PKM: variants seen among roughly 807,000 people sequenced by gnomAD.
PKM encodes the protein pyruvate kinase PKM.
A neutral mutation model predicts 49.8 loss-of-function variants in PKM; 18 were observed. That is an observed-to-expected ratio of 0.36 (90% CI 0.25 to 0.54). The LOEUF (loss-of-function observed/expected upper bound fraction) is 0.54, where lower values mean the gene tolerates loss of function less well. Ranked by LOEUF, PKM falls within the 20% of genes least tolerant of loss-of-function variation. The pLI is 0.89. For synonymous variants in PKM, 239 were observed against 261.8 expected, an observed-to-expected ratio of 0.91 and a Z score of 0.84; for missense variants, 508 against 713.8, an observed-to-expected ratio of 0.71 and a Z score of 3.28.
intron 8 of PKM, 128 bp downstream of exon 8, chr15:72,206,600 T>C (rs62026270): frequency 0.074 from 67,299 of 908,650 alleles, 3,117 homozygotes; most frequent in Middle Eastern, 0.11. Flanking sequence ...CTTGCTGCTG[T>C]AACTTGGAGG....
At position 72,229,036 on chromosome 15, in the gene PKM, T is replaced by A. The variant is rs8192356; in HGVS notation, c.-14+2080A>T. ...AGCAGAGAGTTGGAAAGTTACATTATCAGTTACTTTGTCAATATTAAACCA... is the reference window on the plus strand; with the variant it reads ...AGCAGAGAGTTGGAAAGTTACATTAACAGTTACTTTGTCAATATTAAACCA... On this transcript the variant is annotated intron_variant, in intron 1 of 10. Transcript: ENST00000335181. 7.7e-3 allele frequency among the ~76,000 whole-genome samples: 1,178 copies of A among 152,280 alleles called. 7 individuals carry two copies. Among genetic ancestry groups the A allele is most frequent in the Non-Finnish European group, 0.011 (769 of 68,014 alleles).
chr15:72,209,306 T>TTGC (rs1436761222), intron 5 of PKM, among the ~76,000 whole-genome samples: 1 of 149,964 alleles, frequency 6.7e-6, no homozygotes, highest in Non-Finnish European at 1.5e-5. Flanking sequence ...GAGGCAGAGG[T>TTGC]TGCAGTGAGC....
At chr15:72,215,115 T>C (rs6494993) in intron 3 of PKM, among the ~76,000 whole-genome samples, 144,626 of 152,200 alleles carry the variant, frequency 0.95, 69,164 homozygotes, top group East Asian at 1. Flanking sequence ...GTATGAGAAT[T>C]GCTTGAACCT....
rs1225464335 is a variant in PKM, at chr15:72,199,476, G to C, written c.*174C>G. On this transcript the variant is annotated 3_prime_UTR_variant, in exon 11 of 11. Transcript: ENST00000335181. ...AGCCAGGCTCTGGGCTGTCCCACTAGAGCAGGCTGCAAACACAGCCATGTT... is the reference window on the plus strand; with the variant it reads ...AGCCAGGCTCTGGGCTGTCCCACTACAGCAGGCTGCAAACACAGCCATGTT... The C allele has an allele frequency of 1.4e-6, 1 of 703,562 alleles. No homozygotes were observed. The highest frequency in any genetic ancestry group is 2.6e-6 in the Non-Finnish European group (1 of 382,642). 43.6% of individuals were successfully genotyped at this position (703,562 alleles called of 1,614,324 possible).
intron 2 of PKM, among the ~76,000 whole-genome samples, chr15:72,218,592 T>A (rs1428831197): frequency 6.6e-6 from 1 of 151,604 alleles, no homozygotes; most frequent in East Asian, 1.9e-4. Flanking sequence ...GCTAATTTTT[T>A]TTTTTTTTTT....
chr15:72,199,169 CA>C lies in PKM; in HGVS notation c.*480del, dbSNP rs2081864560. Reference sequence around the variant, plus strand: ...GCTGAGTGGAGGGTGGGGACAGGTGCAAACTGGAGAGGCCTAGAGAGCTAGA... The same window carrying C: ...GCTGAGTGGAGGGTGGGGACAGGTGCAACTGGAGAGGCCTAGAGAGCTAGA... On this transcript the variant is annotated 3_prime_UTR_variant, in exon 11 of 11. Transcript: ENST00000335181. 1 of 339,212 alleles carries C rather than the reference CA, an allele frequency of 2.9e-6. No individual in the cohort carries two copies. The highest frequency in any genetic ancestry group is 4.1e-5 in the Admixed American group (1 of 24,244). The allele number at this position is 339,212 out of a possible 1,614,324, so 21.0% of individuals were successfully genotyped here. A position where few individuals can be genotyped will look rare whatever the true frequency, so the allele number is the denominator to read the frequency against.
upstream of PKM, chr15:72,231,511 G>A (rs1210778909): frequency 1.3e-5 from 2 of 152,532 alleles, no homozygotes; most frequent in Non-Finnish European, 2.9e-5. Flanking sequence ...CCCGGGCGCC[G>A]GGCCACCTGT....
chr15:72,211,052 AT>A (rs1430284385), intron 3 of PKM, among the ~76,000 whole-genome samples: 2 of 150,766 alleles, frequency 1.3e-5, no homozygotes, highest in African/African-American at 4.9e-5. Context: ...CACAGACCTG[AT>A]TTTCTCAATC....
At chr15:72,215,708 C>T (rs1438444194) in intron 3 of PKM, among the ~76,000 whole-genome samples, 1 of 152,128 alleles carries the variant, frequency 6.6e-6, no homozygotes, top group Non-Finnish European at 1.5e-5. Flanking sequence ...GATGAAGGAA[C>T]CATAAAGCCT....
At chr15:72,207,384 C>T in intron 6 of PKM, 107 bp from the exon 7 acceptor site, 1 of 960,052 alleles carries the variant, frequency 1.0e-6, no homozygotes, top group Admixed American at 1.8e-5. Context: ...GTCCTTGTAC[C>T]AGGACAGACA....
At chr15:72,213,011 G>GT (rs201928585) in intron 3 of PKM, among the ~76,000 whole-genome samples, 2,711 of 152,098 alleles carry the variant, frequency 0.018, 48 homozygotes, top group African/African-American at 0.038. Context: ...GAAGGCAGAG[G>GT]TTGCAGTGAG....
intron 8 of PKM, chr15:72,206,506 A>G: frequency 1.7e-6 from 1 of 574,448 alleles, no homozygotes; most frequent in Non-Finnish European, 3.1e-6. Context: ...CCTCCAGAGC[A>G]GAAGGAAATG....
intron 3 of PKM, among the ~76,000 whole-genome samples, chr15:72,214,604 T>C (rs1041337549): frequency 6.6e-5 from 10 of 152,158 alleles, no homozygotes; most frequent in African/African-American, 2.4e-4. Flanking sequence ...GAGATCAGCC[T>C]GGCCAACAAG....
chr15:72,209,602 C>A, intron 5 of PKM, 71 bp downstream of exon 5: 2 of 1,401,462 alleles, frequency 1.4e-6, no homozygotes, highest in Non-Finnish European at 1.0e-6. Context: ...ACCTTCCCAT[C>A]TTCCTTGTGT....
At chr15:72,226,818 G>A (rs1436023612) in intron 1 of PKM, among the ~76,000 whole-genome samples, 2 of 152,256 alleles carry the variant, frequency 1.3e-5, no homozygotes, top group Non-Finnish European at 2.9e-5. Flanking sequence ...ATGGACAGAA[G>A]TGGGGGAGGT....
chr15:72,220,917 G>A (rs1437114676), intron 1 of PKM, among the ~76,000 whole-genome samples: 1 of 152,226 alleles, frequency 6.6e-6, no homozygotes, highest in African/African-American at 2.4e-5. Flanking sequence ...TGGGCTTAGG[G>A]AAGTCTGGCT....
At chr15:72,212,323 A>G (rs2082274317) in intron 3 of PKM, among the ~76,000 whole-genome samples, 1 of 152,050 alleles carries the variant, frequency 6.6e-6, no homozygotes, top group Non-Finnish European at 1.5e-5. Context: ...TAAAATACAA[A>G]AATTAGCTGG....
At position 72,202,440 on chromosome 15, in the gene PKM, C is replaced by A. The variant is rs2081967630; in HGVS notation, c.1307+14G>T. 6.2e-7 allele frequency: 1 copy of A among 1,609,908 alleles called. No homozygotes were observed. Among genetic ancestry groups the A allele is most frequent in the Admixed American group, 1.7e-5 (1 of 59,690 alleles). On this transcript the variant is annotated intron_variant, in intron 9 of 10. Transcript: ENST00000335181. This position sits in a 1 kb window ranked among gnomAD's most constrained non-coding sequence, Gnocchi z 4.5. Reference sequence around the variant, plus strand: ...CTGAGCAGGGCATTCCAGGGAGCCGCTGCCGCCTCCTACCTGCCAGACTTG... The same window carrying A: ...CTGAGCAGGGCATTCCAGGGAGCCGATGCCGCCTCCTACCTGCCAGACTTG...
chr15:72,210,096 C>A, intron 4 of PKM: 1 of 620,770 alleles, frequency 1.6e-6, no homozygotes. Flanking sequence ...AGATGGTTCT[C>A]CAAGTTAGAA....
Sources: allele counts gnomAD v4.1 joint callset (sites outside exome capture counted in the v4.1 genomes callset), GRCh38; gene constraint gnomAD v4.1.1; non-coding constraint Gnocchi (gnomAD v3.1); transcripts MANE v1.5; gene names NCBI Gene and HGNC (gene_info 2026-07-23, HGNC 2026-07-21).